The following MYO3B variants were observed in gnomAD, a reference collection of about 807,000 sequenced individuals.
The protein encoded by MYO3B is myosin-IIIb.
In MYO3B, 156 loss-of-function variants were observed where a neutral mutation model predicts 174.6. The ratio of observed to expected loss-of-function variants is 0.89; its 90% CI spans 0.78 to 1.02. The LOEUF is 1.02. MYO3B is among the 50% of genes least tolerant of loss of function. The pLI is 0.00. For missense variants in MYO3B, 1,632 were observed against 1,639.4 expected (o/e 1.00, Z 0.08); for synonymous variants, 563 against 569.1 (o/e 0.99, Z 0.15).
chr2:170,625,182 A>C (rs1696302639), intron 32 of MYO3B, among the ~76,000 whole-genome samples: 1 of 152,192 alleles, frequency 6.6e-6, no homozygotes, highest in South Asian at 2.1e-4. Context: ...TTTGGCTGTG[A>C]ATCCGTCTGG....
chr2:170,575,662 T>G (rs552541537), intron 32 of MYO3B, among the ~76,000 whole-genome samples: 7 of 152,266 alleles, frequency 4.6e-5, no homozygotes, highest in Non-Finnish European at 7.3e-5. Context: ...ATTGATATTA[T>G]GGACAAACAT....
chr2:170,501,680 G>A (rs1355510809), intron 27 of MYO3B, 105 bp from the exon 28 acceptor site: 1 of 702,322 alleles, frequency 1.4e-6, no homozygotes, highest in African/African-American at 1.8e-5. Flanking sequence ...AAAGCAGGAG[G>A]GAGGATGAGA....
At chr2:170,219,652 A>G (rs1230392871) in intron 6 of MYO3B, among the ~76,000 whole-genome samples, 1 of 152,064 alleles carries the variant, frequency 6.6e-6, no homozygotes, top group Non-Finnish European at 1.5e-5. Flanking sequence ...TCTCAAAAAA[A>G]AAAAAAATCT....
intron 32 of MYO3B, among the ~76,000 whole-genome samples, chr2:170,623,281 G>A (rs1022754651): frequency 9.2e-5 from 14 of 152,298 alleles, no homozygotes; most frequent in Non-Finnish European, 1.9e-4. Flanking sequence ...GGTGTGAGAT[G>A]GTATCTCACT....
At chr2:170,416,351 C>T (rs998333604) in intron 22 of MYO3B, among the ~76,000 whole-genome samples, 2 of 151,584 alleles carry the variant, frequency 1.3e-5, no homozygotes, top group Admixed American at 6.6e-5. Flanking sequence ...GGTGAAACCC[C>T]GTCTCTACTA....
Position 170,533,198 on chromosome 2 carries a change from G to T in MYO3B, c.3576-9708G>T, listed in dbSNP as rs140247292. On this transcript the variant is annotated intron_variant, in intron 30 of 34. Coordinates refer to ENST00000408978, the MANE Select transcript of MYO3B (RefSeq NM_138995.5). ...CGGCTGTGACATTGCTGACTAGTCA[G>T]CACTCACTGCACACAATCTTGTTTA... is the stretch of plus-strand genomic sequence containing the variant. Among the ~76,000 whole-genome samples, 632 of 152,202 alleles carry T rather than the reference G, an allele frequency of 4.2e-3. 2 individuals are homozygous for T. Among genetic ancestry groups the T allele is most frequent in the Non-Finnish European group, 6.4e-3 (435 of 68,010 alleles).
intron 32 of MYO3B, among the ~76,000 whole-genome samples, chr2:170,590,594 AT>A (rs111705221): frequency 0.1 from 14,204 of 140,350 alleles, 702 homozygotes; most frequent in East Asian, 0.34. Context: ...TGATTGATTG[AT>A]TTTTTTTTTT....
chr2:170,403,530 G>A (rs1282582401), intron 19 of MYO3B, among the ~76,000 whole-genome samples: 1 of 152,178 alleles, frequency 6.6e-6, no homozygotes. Context: ...CCCAAGGGAT[G>A]GGGCTCTTTT....
chr2:170,642,175 A>T (rs940737552), intron 32 of MYO3B, among the ~76,000 whole-genome samples: 1 of 150,092 alleles, frequency 6.7e-6, no homozygotes, highest in Non-Finnish European at 1.5e-5. Context: ...AATGGTGAAT[A>T]GTCAGTATTC....
chr2:170,383,206 G>A lies in MYO3B; in HGVS notation c.1185+17G>A, dbSNP rs1244792144. The A allele has an allele frequency of 2.1e-6, 3 of 1,415,154 alleles. No individual in the cohort carries two copies. Among genetic ancestry groups the A allele is most frequent in the East Asian group, 2.3e-5 (1 of 43,864 alleles). The allele number at this position is 1,415,154 out of a possible 1,614,324, so 87.7% of individuals were successfully genotyped here. A position where few individuals can be genotyped will look rare whatever the true frequency, so the allele number is the denominator to read the frequency against. The stretch of plus-strand genomic sequence containing the variant: ...TCTCCACAGGTAAGGGATGTTTTAA[G>A]AGCATACTGCTCCTTAATAGGAAAT... On this transcript the variant is annotated intron_variant, in intron 11 of 34. Coordinates refer to ENST00000408978, the MANE Select transcript of MYO3B (RefSeq NM_138995.5).
At chr2:170,401,792 C>CTTTAT in intron 18 of MYO3B, 101 bp downstream of exon 18, 1 of 802,984 alleles carries the variant, frequency 1.2e-6, no homozygotes, top group African/African-American at 1.9e-5. Flanking sequence ...CTGGGATTTT[C>CTTTAT]TTTCTTTTTC....
chr2:170,472,672 TCTATTTA>T lies in MYO3B; in HGVS notation c.3014+5962_3014+5968del, dbSNP rs1685044049. 2.8e-5 allele frequency among the ~76,000 whole-genome samples: 4 copies of T among 141,006 alleles called. No individual in the cohort carries two copies. The South Asian group carries it at 9.6e-4, about 34-fold the overall frequency. The allele number at this position is 141,006 out of a possible 152,430, so 92.5% of individuals were successfully genotyped here. A position where few individuals can be genotyped will look rare whatever the true frequency, so the allele number is the denominator to read the frequency against. ...GGGATATTTTTCAGCTCACTTTTTA[TCTATTTA>T]TTTATTTATTTATTTATTTATTTAT... On this transcript the variant is annotated intron_variant, in intron 25 of 34. Coordinates refer to ENST00000408978, the MANE Select transcript of MYO3B (RefSeq NM_138995.5).
intron 7 of MYO3B, among the ~76,000 whole-genome samples, chr2:170,257,310 A>G (rs145619690): frequency 0.017 from 2,583 of 152,242 alleles, 25 homozygotes; most frequent in Admixed American, 0.026. Context: ...CATACAGAAC[A>G]TACTCTGATC....
intron 22 of MYO3B, among the ~76,000 whole-genome samples, chr2:170,423,086 A>G (rs766993307): frequency 1.4e-5 from 2 of 147,110 alleles, no homozygotes; most frequent in South Asian, 4.2e-4. Context: ...GGTTCAAGTG[A>G]TTCTCCTGCC....
intron 23 of MYO3B, among the ~76,000 whole-genome samples, chr2:170,461,487 A>AAG (rs1235580972): frequency 1.4e-5 from 2 of 143,332 alleles, no homozygotes; most frequent in African/African-American, 5.4e-5. Context: ...AAAAAAAAAA[A>AAG]GGGCTGGGCC....
chr2:170,438,390 AG>A (rs2094772397), intron 22 of MYO3B, among the ~76,000 whole-genome samples: 1 of 152,046 alleles, frequency 6.6e-6, no homozygotes, highest in South Asian at 2.1e-4. Context: ...CAATGAACAC[AG>A]GAGTGCAAAT....
intron 23 of MYO3B, among the ~76,000 whole-genome samples, chr2:170,452,724 A>G (rs1433938478): frequency 6.6e-6 from 1 of 152,232 alleles, no homozygotes; most frequent in African/African-American, 2.4e-5. Context: ...AAGAGACAGT[A>G]AACAGTTTCT....
intron 23 of MYO3B, among the ~76,000 whole-genome samples, chr2:170,454,957 G>A (rs777049998): frequency 6.6e-6 from 1 of 152,174 alleles, no homozygotes; most frequent in Non-Finnish European, 1.5e-5. Context: ...GTCAATTCCT[G>A]GGTTGAGGCC....
chr2:170,458,987 T>C (rs1684073210), intron 23 of MYO3B, among the ~76,000 whole-genome samples: 1 of 152,156 alleles, frequency 6.6e-6, no homozygotes, highest in South Asian at 2.1e-4. Context: ...AGATGGTGTG[T>C]CCAGAGTTTG....
Sources: allele counts gnomAD v4.1 joint callset (sites outside exome capture counted in the v4.1 genomes callset), GRCh38; gene constraint gnomAD v4.1.1; transcripts MANE v1.5; gene names NCBI Gene and HGNC (gene_info 2026-07-23, HGNC 2026-07-21).